KCND2: variants seen among roughly 807,000 people sequenced by gnomAD.
KCND2 encodes A-type voltage-gated potassium channel KCND2.
KCND2 carries 16 observed loss-of-function variants against 54.4 expected under a neutral mutation model. The ratio of observed to expected loss-of-function variants is 0.29; its 90% CI spans 0.20 to 0.45. The LOEUF (loss-of-function observed/expected upper bound fraction) is 0.45, where lower values mean the gene tolerates loss of function less well. KCND2 is among the 20% of genes least tolerant of loss of function. The pLI is 1.00. For synonymous variants in KCND2, 317 were observed against 310.7 expected, an observed-to-expected ratio of 1.02 and a Z score of -0.21; for missense variants, 486 against 824.2, an observed-to-expected ratio of 0.59 and a Z score of 5.02.
chr7:120,508,052 C>CA (rs1803054945), intron 1 of KCND2, among the ~76,000 whole-genome samples: 1 of 150,118 alleles, frequency 6.7e-6, no homozygotes, highest in Non-Finnish European at 1.5e-5. Flanking sequence ...ATTTCAAAGG[C>CA]TTTTTTTTTC....
intron 1 of KCND2, among the ~76,000 whole-genome samples, chr7:120,370,042 A>T (rs371711364): frequency 6.6e-6 from 1 of 152,018 alleles, no homozygotes; most frequent in Non-Finnish European, 1.5e-5. Context: ...AAAACAACAC[A>T]AAAGGATGGT....
chr7:120,351,121 T>C (rs553085543), intron 1 of KCND2, among the ~76,000 whole-genome samples: 1 of 151,074 alleles, frequency 6.6e-6, no homozygotes, highest in Non-Finnish European at 1.5e-5. Flanking sequence ...ATCACAAAGT[T>C]GTAGAAAGCT....
intron 1 of KCND2, among the ~76,000 whole-genome samples, chr7:120,316,512 A>G (rs1054689807): frequency 5.9e-5 from 9 of 152,236 alleles, no homozygotes; most frequent in Non-Finnish European, 4.4e-5. Context: ...TCACACGTGT[A>G]GGAAGTTACT....
At chr7:120,574,601 G>C (rs1423576726) in intron 1 of KCND2, among the ~76,000 whole-genome samples, 1 of 151,894 alleles carries the variant, frequency 6.6e-6, no homozygotes, top group Non-Finnish European at 1.5e-5. Context: ...AAATCATCTG[G>C]AGCATTAAAA....
intron 1 of KCND2, among the ~76,000 whole-genome samples, chr7:120,309,470 TATATACACACACAC>T (rs1220690382): frequency 8.1e-4 from 101 of 124,258 alleles, no homozygotes; most frequent in African/African-American, 3.0e-3. Flanking sequence ...TATATATATA[TATATACACACACAC>T]ACACACACAC....
intron 1 of KCND2, among the ~76,000 whole-genome samples, chr7:120,631,092 T>G (rs556959823): frequency 6.6e-6 from 1 of 152,256 alleles, no homozygotes; most frequent in Admixed American, 6.5e-5. Flanking sequence ...TCTGAAAATT[T>G]TATCAAGGTA....
intron 1 of KCND2, among the ~76,000 whole-genome samples, chr7:120,584,274 C>T (rs559623705): frequency 1.3e-5 from 2 of 152,170 alleles, no homozygotes; most frequent in Non-Finnish European, 2.9e-5. Flanking sequence ...AAAACTGTCC[C>T]TAGGCCTGGG....
intron 1 of KCND2, among the ~76,000 whole-genome samples, chr7:120,544,687 T>A (rs78965912): frequency 0.016 from 2,426 of 152,024 alleles, 43 homozygotes; most frequent in Non-Finnish European, 0.022. Flanking sequence ...TCATGGCATA[T>A]TTTGCTCTTT....
At chr7:120,454,171 A>G (rs1045777930) in intron 1 of KCND2, among the ~76,000 whole-genome samples, 1 of 152,124 alleles carries the variant, frequency 6.6e-6, no homozygotes, top group Admixed American at 6.6e-5. Flanking sequence ...AAGAAAACTA[A>G]CCCCAAAGCT....
intron 1 of KCND2, among the ~76,000 whole-genome samples, chr7:120,414,186 A>G (rs1225276591): frequency 1.3e-5 from 2 of 152,070 alleles, no homozygotes; most frequent in Non-Finnish European, 1.5e-5. Flanking sequence ...AAACAGTGAC[A>G]AAAAAGATGC....
intron 1 of KCND2, among the ~76,000 whole-genome samples, chr7:120,528,100 C>T (rs1204527840): frequency 1.3e-5 from 2 of 152,070 alleles, no homozygotes; most frequent in African/African-American, 4.8e-5. Flanking sequence ...TACTTCTCTG[C>T]TACAAAGACA....
chr7:120,484,790 T>A (rs1802669691), intron 1 of KCND2, among the ~76,000 whole-genome samples: 1 of 151,506 alleles, frequency 6.6e-6, no homozygotes. Context: ...CAGCAAAAAA[T>A]TAAAAGTAAA....
intron 1 of KCND2, among the ~76,000 whole-genome samples, chr7:120,317,130 G>A (rs1799824057): frequency 1.3e-5 from 2 of 151,726 alleles, no homozygotes; most frequent in African/African-American, 2.4e-5. Context: ...CCACCACGCC[G>A]GGCCCTAATT....
intron 1 of KCND2, among the ~76,000 whole-genome samples, chr7:120,479,787 A>G (rs1174611490): frequency 8.9e-6 from 1 of 112,836 alleles, no homozygotes; most frequent in Non-Finnish European, 1.7e-5. Flanking sequence ...TATAAACTAT[A>G]CACACACACA....
chr7:120,300,838 A>G (rs1252926065), intron 1 of KCND2, among the ~76,000 whole-genome samples: 1 of 152,100 alleles, frequency 6.6e-6, no homozygotes, highest in African/African-American at 2.4e-5. Context: ...GATTCATGAA[A>G]ATAGTTTTCT....
In KCND2 at chr7:120,360,424, A is replaced by G. The variant is rs371324097; in HGVS notation, c.1115+84677A>G. 2.4e-4 allele frequency among the ~76,000 whole-genome samples: 37 copies of G among 152,130 alleles called. 1 individual carries two copies. In the East Asian group the frequency reaches 5.8e-3, roughly 24 times the overall value. On this transcript the variant is annotated intron_variant, in intron 1 of 5. Coordinates refer to ENST00000331113, the MANE Select transcript of KCND2 (RefSeq NM_012281.3). ...CTTTCTTCATCTTGTTGCATATGCCATGCTCTTATCACATCATATTTTGCC... is the reference window on the plus strand; with the variant it reads ...CTTTCTTCATCTTGTTGCATATGCCGTGCTCTTATCACATCATATTTTGCC...
At chr7:120,428,566 A>G (rs1801747253) in intron 1 of KCND2, among the ~76,000 whole-genome samples, 1 of 152,210 alleles carries the variant, frequency 6.6e-6, no homozygotes, top group Non-Finnish European at 1.5e-5. Flanking sequence ...GGCAAGTGGC[A>G]GATGGCAAAA....
At position 120,351,147 on chromosome 7, in the gene KCND2, A is replaced by G. The variant is rs1410261190; in HGVS notation, c.1115+75400A>G. ...GTAGAAAGCTTATTATATATTTTGT[A>G]TTGTGCATTATATATTAAACTTCAT... On this transcript the variant is annotated intron_variant, in intron 1 of 5. Transcript: ENST00000331113. Among the ~76,000 whole-genome samples, 2 of 150,014 alleles carry G rather than the reference A, an allele frequency of 1.3e-5. 1 individual carries two copies. The highest frequency in any genetic ancestry group is 3.9e-4 in the East Asian group (2 of 5,150).
At chr7:120,413,489 CA>C (rs1801479628) in intron 1 of KCND2, among the ~76,000 whole-genome samples, 1 of 151,708 alleles carries the variant, frequency 6.6e-6, no homozygotes, top group East Asian at 1.9e-4. Flanking sequence ...TATTTGTGTT[CA>C]AAATATATGT....
Sources: gnomAD v4.1 joint callset for allele counts (sites outside exome capture counted in the v4.1 genomes callset) on GRCh38, gnomAD v4.1.1 for gene constraint, MANE v1.5 for transcripts, NCBI Gene and HGNC (gene_info 2026-07-23, HGNC 2026-07-21) for gene names.